TBC1D24: variants seen among roughly 807,000 people sequenced by gnomAD.
TBC1D24 encodes Infantile myoclonic epilepsy.
In TBC1D24, 47 loss-of-function variants were observed where a neutral mutation model predicts 50.7. The observed-to-expected ratio is 0.93, with a 90% CI of 0.73 to 1.18. The LOEUF (loss-of-function observed/expected upper bound fraction) is 1.18. TBC1D24 is among the 50% of genes most tolerant of loss of function. The pLI, the probability that TBC1D24 is intolerant of heterozygous loss-of-function variation, is 0.00. For missense variants in TBC1D24, 688 were observed against 766.5 expected (o/e 0.90, Z 1.21); for synonymous variants, 324 against 335.2 (o/e 0.97, Z 0.36).
intron 1 of TBC1D24, chr16:2,477,866 C>T (rs1174853995): frequency 6.6e-6 from 1 of 152,298 alleles, no homozygotes; most frequent in Non-Finnish European, 1.5e-5. Context: ...GTGCCTTCCC[C>T]CGAAGGGACA....
chr16:2,499,316 G>A lies in TBC1D24; in HGVS notation c.1143-41G>A. 2 of 1,590,430 alleles carry A rather than the reference G, an allele frequency of 1.3e-6. No homozygotes were observed. The highest frequency in any genetic ancestry group is 2.2e-5 in the South Asian group (2 of 89,148). On this transcript the variant is annotated intron_variant, in intron 4 of 7. Coordinates refer to ENST00000646147, the MANE Select transcript of TBC1D24 (RefSeq NM_001199107.2). This position sits in a 1 kb window ranked among gnomAD's most constrained non-coding sequence, Gnocchi z 4.0. ...GGAGGCTGCAGGAGGCGGCTGGGAG[G>A]GTGTGCAGGGTGACAGCTGGCATGC...
At position 2,497,251 on chromosome 16, in the gene TBC1D24, G is replaced by T. The variant is rs1050671655; in HGVS notation, c.965+138G>T. On this transcript the variant is annotated intron_variant, in intron 2 of 7. Transcript: ENST00000646147. ...CCAGCCATCTGTGCATGGCTGAAAA[G>T]ACACTGAAACAGGAAGGGCCTTCCC... 15 of 1,187,232 alleles carry T rather than the reference G, an allele frequency of 1.3e-5. No homozygotes were observed. The East Asian group carries it at 3.3e-4, about 26-fold the overall frequency. The allele number at this position is 1,187,232 out of a possible 1,614,324, so 73.5% of individuals were successfully genotyped here. A position where few individuals can be genotyped will look rare whatever the true frequency, so the allele number is the denominator to read the frequency against.
chr16:2,483,146 G>A lies in TBC1D24; in HGVS notation c.-116+7976G>A, dbSNP rs1197245984. On this transcript the variant is annotated intron_variant, in intron 1 of 7. Transcript: ENST00000646147. This position sits in a 1 kb window ranked among gnomAD's most constrained non-coding sequence, Gnocchi z 4.0. ...TGGTGGGAATGCAGAGAGCTGGGAA[G>A]CTCACGCCTGACAAGCCCCCTTTCT... The A allele has an allele frequency of 6.6e-6, 1 of 152,522 alleles. No homozygotes were observed. The highest frequency in any genetic ancestry group is 2.4e-5 in the African/African-American group (1 of 41,426). 9.4% of individuals were successfully genotyped at this position (152,522 alleles called of 1,614,324 possible).
In TBC1D24 at chr16:2,486,180, G is replaced by A. The variant is rs1241182719; in HGVS notation, c.-115-9854G>A. Among the ~76,000 whole-genome samples the A allele has an allele frequency of 6.6e-6, 1 of 152,174 alleles. No individual in the cohort carries two copies. The highest frequency in any genetic ancestry group is 1.5e-5 in the Non-Finnish European group (1 of 68,020). ...GGGGAGCGAGATTGTTTTGGATCCC[G>A]CCAGGGGAGCCCACTGAGAGGAGCC... On this transcript the variant is annotated intron_variant, in intron 1 of 7. Coordinates refer to ENST00000646147, the MANE Select transcript of TBC1D24 (RefSeq NM_001199107.2). The surrounding 1 kb of genome is among the most constrained non-coding windows in gnomAD (Gnocchi z 5.8).
intron 4 of TBC1D24, 97 bp downstream of exon 4, chr16:2,498,493 G>T: frequency 8.3e-7 from 1 of 1,200,334 alleles, no homozygotes; most frequent in Non-Finnish European, 1.2e-6. Context: ...GGCACCTGGT[G>T]AGGCCCTGCT....
rs562415969 is a variant in TBC1D24, at chr16:2,487,545, C to G, written c.-115-8489C>G. On this transcript the variant is annotated intron_variant, in intron 1 of 7. Transcript: ENST00000646147. This position sits in a 1 kb window ranked among gnomAD's most constrained non-coding sequence, Gnocchi z 4.1. Reference sequence around the variant, plus strand: ...TTGTTTGGGAAAATCACATTCCCCTCTGAAGAAGCGAGACGTGCAGAGGCC... The same window carrying G: ...TTGTTTGGGAAAATCACATTCCCCTGTGAAGAAGCGAGACGTGCAGAGGCC... Among the ~76,000 whole-genome samples, 11 of 152,266 alleles carry G rather than the reference C, an allele frequency of 7.2e-5. No homozygotes were observed. The highest frequency in any genetic ancestry group is 2.7e-4 in the African/African-American group (11 of 41,468).
Position 2,496,544 on chromosome 16 carries a change from C to T in TBC1D24, c.396C>T (p.Pro132=), listed in dbSNP as rs371937830. The T allele has an allele frequency of 3.7e-6, 6 of 1,608,400 alleles. No individual in the cohort carries two copies. Among genetic ancestry groups the T allele is most frequent in the South Asian group, 2.2e-5 (2 of 91,078 alleles). Residue 132 remains proline, a synonymous_variant, in exon 2 of 8, where the codon CCC becomes CCT. Transcript: ENST00000646147. ...ANQFPDISFC[P]ALPAVVALLL... is the part of the protein sequence containing the mutation. Reference sequence around the variant, plus strand: ...AGTTCCCCGACATCTCCTTCTGCCCCGCCCTGCCGGCCGTGGTGGCCCTGC... The same window carrying T: ...AGTTCCCCGACATCTCCTTCTGCCCTGCCCTGCCGGCCGTGGTGGCCCTGC...
intron 1 of TBC1D24, chr16:2,476,794 A>G (rs2065572496): frequency 6.6e-6 from 1 of 152,220 alleles, no homozygotes; most frequent in Admixed American, 6.5e-5. Flanking sequence ...TGCAGAAGTA[A>G]TCTAGGCAAG....
chr16:2,499,305 G>A lies in TBC1D24; in HGVS notation c.1143-52G>A. The A allele has an allele frequency of 6.4e-7, 1 of 1,553,712 alleles. No individual in the cohort carries two copies. The highest frequency in any genetic ancestry group is 8.8e-7 in the Non-Finnish European group (1 of 1,134,936). On this transcript the variant is annotated intron_variant, in intron 4 of 7. Coordinates refer to ENST00000646147, the MANE Select transcript of TBC1D24 (RefSeq NM_001199107.2). This position sits in a 1 kb window ranked among gnomAD's most constrained non-coding sequence, Gnocchi z 4.0. ...CTGGGGCCAGCGGAGGCTGCAGGAG[G>A]CGGCTGGGAGGGTGTGCAGGGTGAC...
At chr16:2,491,830 G>A (rs933384579) in intron 1 of TBC1D24, among the ~76,000 whole-genome samples, 6 of 152,016 alleles carry the variant, frequency 3.9e-5, no homozygotes, top group African/African-American at 1.2e-4. Context: ...TGGGATTACA[G>A]GCATGAGCCA....
intron 1 of TBC1D24, 93 bp from the exon 2 acceptor site, chr16:2,495,937 CAAAA>C (rs1434657273): frequency 1.6e-6 from 1 of 632,860 alleles, no homozygotes; most frequent in Non-Finnish European, 2.6e-6. Context: ...GACCCTGTCT[CAAAA>C]GAAAAGAAAA....
At chr16:2,494,970 A>C (rs929817391) in intron 1 of TBC1D24, among the ~76,000 whole-genome samples, 1 of 151,686 alleles carries the variant, frequency 6.6e-6, no homozygotes, top group African/African-American at 2.4e-5. Flanking sequence ...CCTGCGGTTC[A>C]AGGCCAACCT....
At position 2,497,041 on chromosome 16, in the gene TBC1D24, A is replaced by G; in HGVS notation, c.893A>G (p.Lys298Arg). Residue 298 changes from lysine (K) to arginine (R), a missense_variant, in exon 2 of 8, where the codon AAG becomes AGG. Coordinates refer to ENST00000646147, the MANE Select transcript of TBC1D24 (RefSeq NM_001199107.2). The part of the protein sequence containing the change: ...KAFAIRLFSR[K>R]EIQLLQMANE... Reference sequence around the variant, plus strand: ...TTCGCCATCCGCCTCTTCTCCCGCAAGGAGATCCAGCTCCTGCAGATGGCC... The same window carrying G: ...TTCGCCATCCGCCTCTTCTCCCGCAGGGAGATCCAGCTCCTGCAGATGGCC... The G allele has an allele frequency of 1.2e-6, 2 of 1,613,282 alleles. No homozygotes were observed. Among genetic ancestry groups the G allele is most frequent in the Non-Finnish European group, 1.7e-6 (2 of 1,180,032 alleles).
In TBC1D24 at chr16:2,499,927, T is replaced by A. The variant is rs1481341870; in HGVS notation, c.1299T>A (p.Phe433Leu). ...TTGGGACCGGAGAATGCTTTGTGTT[T>A]AGGGTGAGTGGGGCCAAGTGTCCCC... ...GFFGTGECFV[F>L]RLQPEVQRYE... Residue 433 changes from phenylalanine to leucine, a missense_variant, in exon 6 of 8, where the codon TTT becomes TTA. Coordinates refer to ENST00000646147, the MANE Select transcript of TBC1D24 (RefSeq NM_001199107.2). This position sits in a 1 kb window ranked among gnomAD's most constrained non-coding sequence, Gnocchi z 4.0. 4.3e-5 allele frequency: 69 copies of A among 1,613,768 alleles called. No individual in the cohort carries two copies. The highest frequency in any genetic ancestry group is 5.8e-5 in the Non-Finnish European group (69 of 1,179,890).
intron 1 of TBC1D24, chr16:2,493,730 A>C (rs1325977451): frequency 6.6e-6 from 1 of 152,088 alleles, no homozygotes; most frequent in Admixed American, 6.5e-5. Flanking sequence ...GCGTAAGCAA[A>C]CCTTGCACTT....
At chr16:2,493,130 A>C (rs1397469460) in intron 1 of TBC1D24, among the ~76,000 whole-genome samples, 1 of 150,916 alleles carries the variant, frequency 6.6e-6, no homozygotes, top group Non-Finnish European at 1.5e-5. Context: ...AAAATGGTAA[A>C]TTTTTTGTTT....
At position 2,500,160 on chromosome 16, in the gene TBC1D24, C is replaced by T. The variant is rs2065779243; in HGVS notation, c.1303-108C>T. The T allele has an allele frequency of 7.4e-6, 9 of 1,215,566 alleles. No homozygotes were observed. The highest frequency in any genetic ancestry group is 1.3e-5 in the South Asian group (1 of 77,330). The allele number at this position is 1,215,566 out of a possible 1,614,324, so 75.3% of individuals were successfully genotyped here. A position where few individuals can be genotyped will look rare whatever the true frequency, so the allele number is the denominator to read the frequency against. On this transcript the variant is annotated intron_variant, in intron 6 of 7. Transcript: ENST00000646147. The surrounding 1 kb of genome is among the most constrained non-coding windows in gnomAD (Gnocchi z 8.0). ...CCCAGCCCCTGGCTCGGGCTGCACCCACCTTGGGCTCTGGGTGCAGATTCA... is the reference window on the plus strand; with the variant it reads ...CCCAGCCCCTGGCTCGGGCTGCACCTACCTTGGGCTCTGGGTGCAGATTCA...
chr16:2,475,909 C>T lies in TBC1D24; in HGVS notation c.-116+739C>T, dbSNP rs1483895694. On this transcript the variant is annotated intron_variant, in intron 1 of 7. Transcript: ENST00000646147. The surrounding 1 kb of genome is among the most constrained non-coding windows in gnomAD (Gnocchi z 4.2). ...TGCCCCGCAGGGAAACGCGCTGTGGCCCCCGGGTTACTGCTTGCGGGGGTG... is the reference window on the plus strand; with the variant it reads ...TGCCCCGCAGGGAAACGCGCTGTGGTCCCCGGGTTACTGCTTGCGGGGGTG... 3.3e-5 allele frequency among the ~76,000 whole-genome samples: 5 copies of T among 152,226 alleles called. No homozygotes were observed. The highest frequency in any genetic ancestry group is 3.9e-4 in the East Asian group (2 of 5,194).
chr16:2,496,238 T>C lies in TBC1D24; in HGVS notation c.90T>C (p.Thr30=), dbSNP rs575173753. 5.5e-5 allele frequency: 88 copies of C among 1,613,934 alleles called. 1 individual carries two copies. In the East Asian group the frequency reaches 1.8e-3, roughly 33 times the overall value. The part of the protein sequence containing the change: ...QDLGPKELSC[T]ELQELKQLAR... ...TGGGGCCCAAGGAGCTGAGCTGCACTGAACTGCAGGAACTGAAGCAGCTGG... is the reference window on the plus strand; with the variant it reads ...TGGGGCCCAAGGAGCTGAGCTGCACCGAACTGCAGGAACTGAAGCAGCTGG... The change falls in exon 2 of 8, where the codon ACT becomes ACC. Residue 30 remains threonine (T), a synonymous_variant. Transcript: ENST00000646147.
Sources: allele counts gnomAD v4.1 joint callset (sites outside exome capture counted in the v4.1 genomes callset), GRCh38; gene constraint gnomAD v4.1.1; non-coding constraint Gnocchi (gnomAD v3.1); transcripts MANE v1.5; gene names NCBI Gene and HGNC (gene_info 2026-07-23, HGNC 2026-07-21).